Variants in FAM89A observed in about 807,000 individuals in gnomAD.
The protein encoded by FAM89A is protein FAM89A.
FAM89A carries 10 observed loss-of-function variants against 7.1 expected under a neutral mutation model. That is an observed-to-expected ratio of 1.40 (90% CI 0.86 to 2.38). FAM89A has a LOEUF of 2.38. Ranked by LOEUF, FAM89A falls within the 30% of genes most tolerant of loss-of-function variation. The pLI is 0.00. For synonymous variants in FAM89A, 157 were observed against 129.3 expected (o/e 1.21, Z -1.45); for missense variants, 276 against 262.8 (o/e 1.05, Z -0.35).
At chr1:231,034,640 C>T (rs992441037) in intron 1 of FAM89A, among the ~76,000 whole-genome samples, 8 of 151,936 alleles carry the variant, frequency 5.3e-5, no homozygotes, top group South Asian at 2.1e-4. Flanking sequence ...GGCATGGTGG[C>T]GCATGCCTGT....
At chr1:231,039,567 G>T (rs892910981) in intron 1 of FAM89A, among the ~76,000 whole-genome samples, 6 of 152,244 alleles carry the variant, frequency 3.9e-5, no homozygotes, top group Non-Finnish European at 8.8e-5. Context: ...CACCGGGAAG[G>T]TCTGTTTCAC....
intron 1 of FAM89A, among the ~76,000 whole-genome samples, chr1:231,038,706 T>G (rs1053157769): frequency 6.6e-6 from 1 of 152,228 alleles, no homozygotes; most frequent in Non-Finnish European, 1.5e-5. Flanking sequence ...GAAGACAATA[T>G]CTCTTTGATT....
chr1:231,022,064 AC>A (rs1679888771), intron 1 of FAM89A: 1 of 1,417,344 alleles, frequency 7.1e-7, no homozygotes, highest in East Asian at 2.3e-5. Flanking sequence ...CATCGTTTCC[AC>A]AGAATGTGGC....
At chr1:231,034,155 A>C (rs1405178668) in intron 1 of FAM89A, among the ~76,000 whole-genome samples, 2 of 152,188 alleles carry the variant, frequency 1.3e-5, no homozygotes, top group African/African-American at 4.8e-5. Context: ...AGGAATTCAC[A>C]GCAACTAGGT....
At chr1:231,037,146 G>C (rs1680169675) in intron 1 of FAM89A, among the ~76,000 whole-genome samples, 2 of 152,192 alleles carry the variant, frequency 1.3e-5, no homozygotes, top group Admixed American at 1.3e-4. Flanking sequence ...TGGAGCCAAA[G>C]AGACCTGGTA....
intron 1 of FAM89A, among the ~76,000 whole-genome samples, chr1:231,020,783 C>T (rs1379544452): frequency 6.6e-6 from 1 of 152,144 alleles, no homozygotes; most frequent in East Asian, 1.9e-4. Flanking sequence ...TCTACAGTTC[C>T]TCCTGAAAAC....
Position 231,040,080 on chromosome 1 carries a change from A to T in FAM89A, c.132T>A (p.Ser44=). ...LLHSASGGGA[S]GGWRHLERLY... ...GCCGCTCCAGGTGCCGCCAGCCCCC[A>T]GACGCGCCGCCGCCCGACGCCGAGT... Residue 44 remains serine, a synonymous_variant, in exon 1 of 2, where the codon TCT becomes TCA. Coordinates refer to ENST00000366654, the MANE Select transcript of FAM89A (RefSeq NM_198552.3). The T allele has an allele frequency of 2.1e-6, 3 of 1,442,588 alleles. No individual in the cohort carries two copies. The highest frequency in any genetic ancestry group is 2.7e-6 in the Non-Finnish European group (3 of 1,099,562). 89.4% of individuals were successfully genotyped at this position (1,442,588 alleles called of 1,614,324 possible). A position where few individuals can be genotyped will look rare whatever the true frequency, so the allele number is the denominator to read the frequency against.
In FAM89A at chr1:231,040,188, G is replaced by A. The variant is rs1680239616; in HGVS notation, c.24C>T (p.Pro8=). The change falls in exon 1 of 2, where the codon CCC becomes CCT. Residue 8 remains proline (P), a synonymous_variant. Transcript: ENST00000366654. MSGARAA[P]GAAGNGAVRG... ...GGACCGCGCCGTTGCCCGCGGCCCC[G>A]GGCGCCGCCCGGGCCCCACTCATCG... is the stretch of plus-strand genomic sequence containing the variant. The A allele has an allele frequency of 1.3e-5, 15 of 1,117,162 alleles. No homozygotes were observed. Among genetic ancestry groups the A allele is most frequent in the Non-Finnish European group, 1.6e-5 (15 of 918,230 alleles). 69.2% of individuals were successfully genotyped at this position (1,117,162 alleles called of 1,614,324 possible).
chr1:231,036,289 TA>T (rs1358260231), intron 1 of FAM89A, among the ~76,000 whole-genome samples: 1 of 152,200 alleles, frequency 6.6e-6, no homozygotes, highest in Non-Finnish European at 1.5e-5. Context: ...TGCCCACATC[TA>T]CCAGGTGTGA....
rs148229457 is a variant in FAM89A, at chr1:231,022,303, C to T, written c.292-2177G>A. On this transcript the variant is annotated intron_variant, in intron 1 of 1. Coordinates refer to ENST00000366654, the MANE Select transcript of FAM89A (RefSeq NM_198552.3). Reference sequence around the variant, plus strand: ...ACCCACGTCTGATATGTAAACTGCTCTTTTGTTTCCAACCCCTTCCTTTTG... The same window carrying T: ...ACCCACGTCTGATATGTAAACTGCTTTTTTGTTTCCAACCCCTTCCTTTTG... The T allele has an allele frequency of 1.7e-3, 1,111 of 660,172 alleles. 14 individuals are homozygous for T. The African/African-American group carries it at 0.017, about 10-fold the overall frequency. 40.9% of individuals were successfully genotyped at this position (660,172 alleles called of 1,614,324 possible). A position where few individuals can be genotyped will look rare whatever the true frequency, so the allele number is the denominator to read the frequency against.
At position 231,021,769 on chromosome 1, in the gene FAM89A, T is replaced by C. The variant is rs1342977684; in HGVS notation, c.292-1643A>G. On this transcript the variant is annotated intron_variant, in intron 1 of 1. Coordinates refer to ENST00000366654, the MANE Select transcript of FAM89A (RefSeq NM_198552.3). ...AAATTGTTGACCTCACTTGTGAATC[T>C]TTAGAGCCTGTGGTGGTTGATCTGA... is the stretch of plus-strand genomic sequence containing the variant. 6 of 1,602,716 alleles carry C rather than the reference T, an allele frequency of 3.7e-6. 1 individual carries two copies. In the South Asian group the frequency reaches 4.4e-5, roughly 12 times the overall value.
chr1:231,037,415 T>C (rs1680174723), intron 1 of FAM89A, among the ~76,000 whole-genome samples: 1 of 152,214 alleles, frequency 6.6e-6, no homozygotes, highest in South Asian at 2.1e-4. Flanking sequence ...CTTTTCATCA[T>C]CTTCCTTGAC....
At chr1:231,027,205 G>A (rs1360383320) in intron 1 of FAM89A, among the ~76,000 whole-genome samples, 1 of 152,010 alleles carries the variant, frequency 6.6e-6, no homozygotes, top group Non-Finnish European at 1.5e-5. Context: ...CCATTTCCAA[G>A]GTATTCCCAG....
intron 1 of FAM89A, among the ~76,000 whole-genome samples, chr1:231,033,973 C>T (rs771840808): frequency 3.9e-5 from 6 of 151,922 alleles, no homozygotes; most frequent in Non-Finnish European, 8.8e-5. Flanking sequence ...ATTCTTTTTT[C>T]AGTTTTTGCT....
intron 1 of FAM89A, among the ~76,000 whole-genome samples, chr1:231,028,065 G>T (rs1020147592): frequency 6.6e-6 from 1 of 152,198 alleles, no homozygotes; most frequent in African/African-American, 2.4e-5. Context: ...CAGTGAAAAC[G>T]CCTGGCTGCA....
chr1:231,021,790 T>C, intron 1 of FAM89A: 3 of 1,603,298 alleles, frequency 1.9e-6, no homozygotes, highest in Non-Finnish European at 2.6e-6. Flanking sequence ...TGGTGGTTGA[T>C]CTGACTCACA....
intron 1 of FAM89A, among the ~76,000 whole-genome samples, chr1:231,037,264 A>G (rs1680171809): frequency 6.6e-6 from 1 of 152,342 alleles, no homozygotes; most frequent in African/African-American, 2.4e-5. Flanking sequence ...ATAAGATACT[A>G]TATAGAAAGC....
At chr1:231,037,207 TA>T (rs1384947148) in intron 1 of FAM89A, among the ~76,000 whole-genome samples, 1 of 152,170 alleles carries the variant, frequency 6.6e-6, no homozygotes, top group Non-Finnish European at 1.5e-5. Flanking sequence ...TTCTTTAATA[TA>T]AAACAGACTT....
intron 1 of FAM89A, among the ~76,000 whole-genome samples, chr1:231,038,289 T>C (rs932935068): frequency 2.0e-5 from 3 of 152,222 alleles, no homozygotes; most frequent in Admixed American, 2.0e-4. Context: ...GATGTGGTTG[T>C]GCTTCAGTCA....
Sources: allele counts gnomAD v4.1 joint callset (sites outside exome capture counted in the v4.1 genomes callset), GRCh38; gene constraint gnomAD v4.1.1; transcripts MANE v1.5; gene names NCBI Gene and HGNC (gene_info 2026-07-23, HGNC 2026-07-21).